The following NPRL3 variants were observed in gnomAD, a reference collection of about 807,000 sequenced individuals.
NPRL3 encodes NPR3 like, GATOR1 complex subunit.
Under a neutral mutation model 57.2 loss-of-function variants are expected in NPRL3, and 23 were observed. The ratio of observed to expected loss-of-function variants is 0.40; its 90% CI spans 0.29 to 0.57. The LOEUF (loss-of-function observed/expected upper bound fraction) is 0.57, where lower values mean the gene tolerates loss of function less well. Among genes scored for constraint, NPRL3 ranks in the 20% least tolerant of loss-of-function variants. The pLI is 0.42. For missense variants in NPRL3, 691 were observed against 767.1 expected, an observed-to-expected ratio of 0.90 and a Z score of 1.17; for synonymous variants, 333 against 321.1, an observed-to-expected ratio of 1.04 and a Z score of -0.39.
intron 9 of NPRL3, among the ~76,000 whole-genome samples, chr16:96,991 A>G (rs1899037879): frequency 6.6e-6 from 1 of 152,258 alleles, no homozygotes; most frequent in African/African-American, 2.4e-5. Flanking sequence ...ACAGGCCAAA[A>G]GAGCATGGAA....
rs373215354 is a variant in NPRL3 at position 117,359 on chromosome 16, G to A, written c.335C>T (p.Pro112Leu). The change falls in exon 5 of 14, where the codon CCT becomes CTT. Residue 112 changes from proline (P) to leucine (L), a missense_variant. By Grantham distance (98) the Pro-to-Leu change is moderately conservative. Transcript: ENST00000611875. ...AGTAGGTGCTTCCCTCTTCGGGGAA[G>A]GATCTGTTTTGGAGATCTGTAAAAG... Reference protein sequence around the residue: ...HALGQISKTDPSPKREAPTMI... With the variant: ...HALGQISKTDLSPKREAPTMI... 4.3e-6 allele frequency: 7 copies of A among 1,610,276 alleles called. No individual in the cohort carries two copies. The highest frequency in any genetic ancestry group is 5.9e-6 in the Non-Finnish European group (7 of 1,177,336).
intron 5 of NPRL3, among the ~76,000 whole-genome samples, chr16:116,486 A>C (rs1446801092): frequency 1.3e-5 from 2 of 152,162 alleles, no homozygotes; most frequent in African/African-American, 4.8e-5. Context: ...TTTTGTTTTA[A>C]TTTGTAGTTC....
intron 4 of NPRL3, among the ~76,000 whole-genome samples, chr16:118,651 T>C (rs1900147625): frequency 6.6e-6 from 1 of 152,240 alleles, no homozygotes; most frequent in African/African-American, 2.4e-5. Context: ...TGTCTCTTTT[T>C]CTACTGGACT....
At chr16:97,717 G>A (rs918430835) in intron 9 of NPRL3, among the ~76,000 whole-genome samples, 3 of 149,748 alleles carry the variant, frequency 2.0e-5, no homozygotes, top group African/African-American at 7.7e-5. Flanking sequence ...ACCAGGTTAG[G>A]TCTCTGTTCT....
chr16:131,078 T>C (rs184807737), intron 2 of NPRL3, among the ~76,000 whole-genome samples: 201 of 152,374 alleles, frequency 1.3e-3, no homozygotes, highest in South Asian at 3.5e-3. Context: ...CCCGTGCCTG[T>C]AATCCCAACC....
chr16:100,970 C>CA (rs59640237), intron 7 of NPRL3, among the ~76,000 whole-genome samples: 40 of 36,096 alleles, frequency 1.1e-3, no homozygotes, highest in South Asian at 3.5e-3. Context: ...GACTCTGTCT[C>CA]AAAAAAAAAA....
intron 7 of NPRL3, among the ~76,000 whole-genome samples, chr16:107,697 G>C (rs528786957): frequency 1.4e-4 from 21 of 152,156 alleles, no homozygotes; most frequent in South Asian, 1.0e-3. Flanking sequence ...ATGTTGCTGG[G>C]GCTGGAGTAC....
At chr16:132,668 C>CTTTTTTTT (rs869062857) in intron 2 of NPRL3, among the ~76,000 whole-genome samples, 2 of 120,288 alleles carry the variant, frequency 1.7e-5, no homozygotes, top group African/African-American at 3.7e-5. Context: ...AATTGTATTT[C>CTTTTTTTT]TTTTTTTTTT....
Position 98,249 on chromosome 16 carries a change from G to A in NPRL3, c.820C>T (p.Leu274Phe), listed in dbSNP as rs752301363. 5 of 1,613,866 alleles carry A rather than the reference G, an allele frequency of 3.1e-6. No homozygotes were observed. The highest frequency in any genetic ancestry group is 1.3e-5 in the African/African-American group (1 of 74,938). The change falls in exon 9 of 14, where the codon CTT becomes TTT. Residue 274 changes from leucine to phenylalanine, a missense_variant. Transcript: ENST00000611875. ...AGGGCAGGGGAGCAGTCAATAGGAAGCTCACCCAGCAAGGACTTCTCATCA... is the reference window on the plus strand; with the variant it reads ...AGGGCAGGGGAGCAGTCAATAGGAAACTCACCCAGCAAGGACTTCTCATCA... ...LSDEKSLLGE[L>F]PIDCSPALVR...
intron 11 of NPRL3, among the ~76,000 whole-genome samples, chr16:91,714 G>A (rs1225969872): frequency 1.1e-4 from 16 of 152,204 alleles, no homozygotes; most frequent in Admixed American, 4.6e-4. Context: ...GTTCTCATTC[G>A]TAATTTGAGA....
chr16:116,084 C>T (rs940495434), intron 5 of NPRL3, among the ~76,000 whole-genome samples: 4 of 152,228 alleles, frequency 2.6e-5, no homozygotes, highest in Non-Finnish European at 5.9e-5. Context: ...ATATGCTATG[C>T]TGTCAAACAC....
intron 8 of NPRL3, among the ~76,000 whole-genome samples, chr16:99,512 G>A (rs1458540852): frequency 1.3e-5 from 2 of 151,340 alleles, no homozygotes; most frequent in Admixed American, 1.3e-4. Flanking sequence ...GTGTAGTGGT[G>A]TGCACCCATA....
At position 86,773 on chromosome 16, in the gene NPRL3, G is replaced by T. The variant is rs193221958; in HGVS notation, c.1642C>A (p.Arg548Ser). ...SQLLMLFDKFRSVLVVTTHED... is the reference protein window; with the variant it reads ...SQLLMLFDKFSSVLVVTTHED... ...TGGGTGGTCACCACCAGCACGCTGC[G>T]GAACTTGTCAAACAGCATGAGCAGC... Residue 548 changes from arginine (R) to serine (S), a missense_variant, in exon 14 of 14, where the codon CGC becomes AGC. Arg to Ser is a moderately radical substitution (Grantham distance 110, BLOSUM62 -1). Coordinates refer to ENST00000611875, the MANE Select transcript of NPRL3 (RefSeq NM_001077350.3). 1 of 1,602,518 alleles carries T rather than the reference G, an allele frequency of 6.2e-7. No homozygotes were observed. Among genetic ancestry groups the T allele is most frequent in the East Asian group, 2.3e-5 (1 of 44,208 alleles).
chr16:89,463 G>C, intron 12 of NPRL3: 1 of 477,638 alleles, frequency 2.1e-6, no homozygotes, highest in South Asian at 3.2e-5. Context: ...GCACTGATTT[G>C]CTGGGCTGGG....
rs2141909329 is a variant in NPRL3, at chr16:93,271, G to A, written c.979C>T (p.Pro327Ser). The change falls in exon 10 of 14, where the codon CCG (proline) becomes TCG (serine). Residue 327 changes from proline (P) to serine (S), a missense_variant. Physicochemically the swap from Pro to Ser is moderately conservative, Grantham distance 74. Transcript: ENST00000611875. ...ATGTAGACGTTGTTCTCACACAGCG[G>A]GTAGATGATGATGGCCTTGCCCCAG... ...VYWGKAIIIY[P>S]LCENNVYMLS... The A allele has an allele frequency of 6.4e-7, 1 of 1,561,268 alleles. No homozygotes were observed. Among genetic ancestry groups the A allele is most frequent in the South Asian group, 1.2e-5 (1 of 84,528 alleles).
chr16:110,604 T>G lies in NPRL3; in HGVS notation c.550A>C (p.Asn184His), dbSNP rs73478320. 6.7e-3 allele frequency: 10,788 copies of G among 1,607,092 alleles called. 145 individuals are homozygous for G. Among genetic ancestry groups the G allele is most frequent in the African/African-American group, 0.035 (2,619 of 74,892 alleles). ...QDEVSAMADGNEGPQSPFHHI... is the reference protein window; with the variant it reads ...QDEVSAMADGHEGPQSPFHHI... ...TGGAATGGGGACTGAGGACCTTCAT[T>G]TCCTACAAGAATCACAACACAAGAT... Residue 184 changes from asparagine to histidine, a missense_variant and splice_region_variant, in exon 7 of 14, where the codon AAT becomes CAT. Coordinates refer to ENST00000611875, the MANE Select transcript of NPRL3 (RefSeq NM_001077350.3).
Position 85,853 on chromosome 16 carries a change from C to G in NPRL3, c.*852G>C. 7.2e-7 allele frequency: 1 copy of G among 1,381,804 alleles called. No homozygotes were observed. Among genetic ancestry groups the G allele is most frequent in the African/African-American group, 1.5e-5 (1 of 68,672 alleles). 85.6% of individuals were successfully genotyped at this position (1,381,804 alleles called of 1,614,324 possible). ...ATGTTTTATTTCTAGAAAACTGTGC[C>G]TTAGCCAGAGCTCCTCTAGGTGATC... On this transcript the variant is annotated 3_prime_UTR_variant, in exon 14 of 14. Transcript: ENST00000611875.
In NPRL3 at chr16:119,148, A is replaced by T; in HGVS notation, c.296T>A (p.Leu99Gln). 1 of 1,613,670 alleles carries T rather than the reference A, an allele frequency of 6.2e-7. No homozygotes were observed. Among genetic ancestry groups the T allele is most frequent in the Non-Finnish European group, 8.5e-7 (1 of 1,179,740 alleles). The change falls in exon 4 of 14, where the codon CTG becomes CAG. Residue 99 changes from leucine to glutamine, a missense_variant. Leu to Gln is a moderately radical substitution (Grantham distance 113, BLOSUM62 -2). Coordinates refer to ENST00000611875, the MANE Select transcript of NPRL3 (RefSeq NM_001077350.3). ...TACCTGCCCCAGAGCATGCTGTAGC[A>T]GTGTTGGGTGCCCAACAAATCGCAC... ...DNVRFVGHPT[L>Q]LQHALGQISK...
Position 138,364 on chromosome 16 carries a change from G to A in NPRL3, c.-67-30C>T, listed in dbSNP as rs546231967. The A allele has an allele frequency of 1.3e-5, 12 of 945,524 alleles. No individual in the cohort carries two copies. The South Asian group carries it at 1.3e-4, about 10-fold the overall frequency. The allele number at this position is 945,524 out of a possible 1,614,324, so 58.6% of individuals were successfully genotyped here. ...GGAGGACGGAGCCGGAGGCGGAGGG[G>A]GCCTGAGGAGGACGAGGCGGGGACG... On this transcript the variant is annotated intron_variant, in intron 1 of 13. Transcript: ENST00000611875.
Sources: allele counts gnomAD v4.1 joint callset (sites outside exome capture counted in the v4.1 genomes callset), GRCh38; gene constraint gnomAD v4.1.1; transcripts MANE v1.5; gene names NCBI Gene and HGNC (gene_info 2026-07-23, HGNC 2026-07-21).